Variants in C12orf42 observed in about 807,000 individuals in gnomAD.
The protein encoded by C12orf42 is chromosome 12 open reading frame 42, also known as uncharacterized protein C12orf42.
In C12orf42, 25 loss-of-function variants were observed where a neutral mutation model predicts 21.6. The observed-to-expected ratio is 1.16, with a 90% CI of 0.84 to 1.62. The LOEUF is 1.62. Among genes scored for constraint, C12orf42 ranks in the 40% most tolerant of loss-of-function variants. C12orf42 has a pLI of 0.00. For synonymous variants in C12orf42, 174 were observed against 175.0 expected (o/e 0.99, Z 0.05); for missense variants, 483 against 459.3 (o/e 1.05, Z -0.47).
At chr12:103,347,131 A>T (rs183380899) in intron 4 of C12orf42, among the ~76,000 whole-genome samples, 3 of 152,246 alleles carry the variant, frequency 2.0e-5, no homozygotes, top group Admixed American at 2.0e-4. Context: ...ATAGGTATAC[A>T]TGTGCCATGG....
intron 2 of C12orf42, among the ~76,000 whole-genome samples, chr12:103,448,866 C>T (rs995803080): frequency 4.0e-5 from 6 of 151,898 alleles, no homozygotes; most frequent in Non-Finnish European, 7.4e-5. Flanking sequence ...AGTACAACCA[C>T]AGTATACAAC....
chr12:103,122,727 G>A, the C12orf42 span, among the ~76,000 whole-genome samples: 1 of 152,136 alleles, frequency 6.6e-6, no homozygotes, highest in African/African-American at 2.4e-5. Flanking sequence ...CTACAGCAGG[G>A]GCAGTTGGGT....
At chr12:103,541,713 A>T in the C12orf42 span, among the ~76,000 whole-genome samples, 1 of 151,962 alleles carries the variant, frequency 6.6e-6, no homozygotes, top group Non-Finnish European at 1.5e-5. Flanking sequence ...CGTACATTTC[A>T]TGTTTACCAT....
intron 2 of C12orf42, among the ~76,000 whole-genome samples, chr12:103,455,419 A>C (rs192042652): frequency 6.6e-6 from 1 of 152,284 alleles, no homozygotes; most frequent in East Asian, 1.9e-4. Flanking sequence ...CCAAGTTTTA[A>C]TGGGGCTGAA....
intron 3 of C12orf42, among the ~76,000 whole-genome samples, chr12:103,375,853 G>A (rs551147131): frequency 5.0e-4 from 76 of 152,254 alleles, no homozygotes; most frequent in African/African-American, 1.7e-3. Context: ...AATGGACAAG[G>A]TCAAAGGCTG....
chr12:103,458,857 C>T (rs1952492262), intron 2 of C12orf42, among the ~76,000 whole-genome samples: 1 of 151,936 alleles, frequency 6.6e-6, no homozygotes, highest in East Asian at 1.9e-4. Context: ...GAATTTGTCC[C>T]ATTTTACAGT....
the C12orf42 span, among the ~76,000 whole-genome samples, chr12:103,529,968 T>A: frequency 6.6e-6 from 1 of 151,942 alleles, no homozygotes; most frequent in East Asian, 1.9e-4. Context: ...GGCTTAGGAG[T>A]GTATTTCTTA....
the C12orf42 span, among the ~76,000 whole-genome samples, chr12:103,529,892 C>T: frequency 6.6e-6 from 1 of 152,170 alleles, no homozygotes; most frequent in Non-Finnish European, 1.5e-5. Flanking sequence ...TTTCCTCCCC[C>T]ATACTTCATT....
At chr12:103,284,759 T>A (rs1419803063) in intron 4 of C12orf42, among the ~76,000 whole-genome samples, 1 of 152,222 alleles carries the variant, frequency 6.6e-6, no homozygotes, top group Non-Finnish European at 1.5e-5. Flanking sequence ...CTCATGGGTT[T>A]TCCCACAGAG....
chr12:103,482,089 T>G (rs1475441820), intron 1 of C12orf42, among the ~76,000 whole-genome samples: 1 of 152,118 alleles, frequency 6.6e-6, no homozygotes, highest in African/African-American at 2.4e-5. Context: ...ACGTCACTAT[T>G]ATTGTTCTAA....
the C12orf42 span, among the ~76,000 whole-genome samples, chr12:103,062,348 GT>G: frequency 6.6e-6 from 1 of 150,980 alleles, no homozygotes; most frequent in African/African-American, 2.4e-5. Context: ...AATTCTCTTA[GT>G]TTTTGTTTGC....
At chr12:103,110,995 T>G in the C12orf42 span, among the ~76,000 whole-genome samples, 2 of 152,212 alleles carry the variant, frequency 1.3e-5, no homozygotes, top group African/African-American at 4.8e-5. Flanking sequence ...CAGACAGCAC[T>G]AGGCAGTTCT....
chr12:103,429,159 G>A lies in C12orf42; in HGVS notation c.79-27484C>T, dbSNP rs562852157. ...GAAAAAAATAAAGCATATTTAAATA[G>A]GAAGAGAGGAAGTCAAATTGTCTCT... On this transcript the variant is annotated intron_variant, in intron 2 of 5. Transcript: ENST00000548883. Among the ~76,000 whole-genome samples the A allele has an allele frequency of 3.3e-5, 5 of 152,294 alleles. No individual in the cohort carries two copies. In the East Asian group the frequency reaches 7.7e-4, roughly 23 times the overall value.
chr12:103,495,727 T>TC (rs963733500), intron 1 of C12orf42, 175 bp downstream of exon 1: 1 of 150,262 alleles, frequency 6.7e-6, no homozygotes, highest in Non-Finnish European at 1.5e-5. Context: ...GTCGACCCGC[T>TC]CGGGGGCCGG....
chr12:103,102,652 G>T, the C12orf42 span, among the ~76,000 whole-genome samples: 2 of 152,160 alleles, frequency 1.3e-5, no homozygotes, highest in Non-Finnish European at 2.9e-5. Context: ...ACAAAATAAG[G>T]CAGGTTGGAC....
chr12:103,169,347 A>G, the C12orf42 span, among the ~76,000 whole-genome samples: 1 of 151,976 alleles, frequency 6.6e-6, no homozygotes, highest in Non-Finnish European at 1.5e-5. Context: ...GGGAACCGAG[A>G]GACCCATTCC....
the C12orf42 span, among the ~76,000 whole-genome samples, chr12:103,175,454 C>A: frequency 7.5e-3 from 1,145 of 152,214 alleles, 15 homozygotes; most frequent in African/African-American, 0.026. Context: ...CAAGAGTTGG[C>A]GAGCTAGAAG....
the C12orf42 span, among the ~76,000 whole-genome samples, chr12:103,204,936 T>TA: frequency 1.0e-3 from 155 of 152,040 alleles, no homozygotes; most frequent in African/African-American, 3.3e-3. Context: ...AAGAGAAAGT[T>TA]AAAAAAAGGG....
chr12:103,222,508 G>C, the C12orf42 span, among the ~76,000 whole-genome samples: 3 of 152,108 alleles, frequency 2.0e-5, no homozygotes, highest in Middle Eastern at 3.2e-3. Flanking sequence ...AGGCCATCTG[G>C]GCATACACGT....
Sources: allele counts gnomAD v4.1 joint callset (sites outside exome capture counted in the v4.1 genomes callset), GRCh38; gene constraint gnomAD v4.1.1; transcripts MANE v1.5; gene names NCBI Gene and HGNC (gene_info 2026-07-23, HGNC 2026-07-21).